The following PARD3 variants were observed in gnomAD, a reference collection of about 807,000 sequenced individuals.
The protein encoded by PARD3 is partitioning defective 3 homolog.
PARD3 carries 75 observed loss-of-function variants against 155.4 expected under a neutral mutation model. That is an observed-to-expected ratio of 0.48 (90% CI 0.40 to 0.58). The LOEUF is 0.58. Among genes scored for constraint, PARD3 ranks in the 20% least tolerant of loss-of-function variants. The pLI, the probability that PARD3 is intolerant of heterozygous loss-of-function variation, is 0.00. For synonymous variants in PARD3, 576 were observed against 610.5 expected (o/e 0.94, Z 0.83); for missense variants, 1,642 against 1,721.7 (o/e 0.95, Z 0.82).
intron 2 of PARD3, among the ~76,000 whole-genome samples, chr10:34,624,960 T>C (rs2091906085): frequency 6.6e-6 from 1 of 152,218 alleles, no homozygotes; most frequent in African/African-American, 2.4e-5. Flanking sequence ...TCAACAGCTC[T>C]GAGCCCTGGG....
At chr10:34,191,945 A>G (rs1950730100) in intron 22 of PARD3, among the ~76,000 whole-genome samples, 1 of 152,222 alleles carries the variant, frequency 6.6e-6, no homozygotes, top group African/African-American at 2.4e-5. Flanking sequence ...ACAGGCTAAA[A>G]CACGGGCTCA....
At chr10:34,577,749 C>T (rs1277470197) in intron 2 of PARD3, among the ~76,000 whole-genome samples, 1 of 152,088 alleles carries the variant, frequency 6.6e-6, no homozygotes, top group Non-Finnish European at 1.5e-5. Flanking sequence ...CAGGCACACA[C>T]GTGGGTACAT....
rs115886887 is a variant in PARD3, at chr10:34,611,515, C to T, written c.222+84803G>A. On this transcript the variant is annotated intron_variant, in intron 2 of 24. Coordinates refer to ENST00000374788, the MANE Select transcript of PARD3 (RefSeq NM_001184785.2). ...GGAGTAATTTCGGGATTTTCTGATG[C>T]CTTTTAAATTTAATTTCAAATATGA... Among the ~76,000 whole-genome samples the T allele has an allele frequency of 8.7e-3, 1,319 of 152,168 alleles. 17 individuals carry two copies. The highest frequency in any genetic ancestry group is 0.03 in the African/African-American group (1,258 of 41,516).
intron 1 of PARD3, among the ~76,000 whole-genome samples, chr10:34,714,216 T>C (rs980144963): frequency 7.2e-5 from 11 of 152,172 alleles, no homozygotes; most frequent in Non-Finnish European, 1.0e-4. Flanking sequence ...AATGACCTGA[T>C]TTTTCACAAA....
At chr10:34,609,616 C>T (rs1160738961) in intron 2 of PARD3, among the ~76,000 whole-genome samples, 8 of 152,170 alleles carry the variant, frequency 5.3e-5, no homozygotes, top group South Asian at 4.1e-4. Context: ...AATCATAGCT[C>T]GCTGTATTCC....
chr10:34,413,636 C>A (rs910366745), intron 5 of PARD3, among the ~76,000 whole-genome samples: 2 of 152,130 alleles, frequency 1.3e-5, no homozygotes, highest in African/African-American at 4.8e-5. Flanking sequence ...CGCTGAGTTT[C>A]GCAGGCTTAG....
chr10:34,741,173 A>ATTTTTTTTT (rs1470627211), intron 1 of PARD3, among the ~76,000 whole-genome samples: 2 of 82,882 alleles, frequency 2.4e-5, no homozygotes, highest in Admixed American at 1.3e-4. Context: ...TCGTAAACCA[A>ATTTTTTTTT]ATTTTTTTTT....
At chr10:34,501,004 CTA>C (rs917679886) in intron 3 of PARD3, among the ~76,000 whole-genome samples, 3 of 152,126 alleles carry the variant, frequency 2.0e-5, no homozygotes, top group African/African-American at 4.8e-5. Flanking sequence ...TTAAAAATAA[CTA>C]ATTTGTTACC....
intron 2 of PARD3, among the ~76,000 whole-genome samples, chr10:34,680,068 T>C (rs2093783003): frequency 6.6e-6 from 1 of 152,122 alleles, no homozygotes; most frequent in African/African-American, 2.4e-5. Flanking sequence ...GCACTTGTAC[T>C]ATCTAAATAT....
intron 12 of PARD3, among the ~76,000 whole-genome samples, chr10:34,367,866 T>A (rs1251544227): frequency 6.6e-6 from 1 of 152,224 alleles, no homozygotes; most frequent in Non-Finnish European, 1.5e-5. Flanking sequence ...GCTTCTGACC[T>A]TCAAAAAAGT....
At chr10:34,789,206 G>A (rs1406934818) in intron 1 of PARD3, among the ~76,000 whole-genome samples, 1 of 152,162 alleles carries the variant, frequency 6.6e-6, no homozygotes, top group Non-Finnish European at 1.5e-5. Context: ...GCAGGAAAAT[G>A]GCTGGAGCCC....
At chr10:34,240,648 TAAG>T (rs1480410116) in intron 22 of PARD3, among the ~76,000 whole-genome samples, 2 of 151,974 alleles carry the variant, frequency 1.3e-5, no homozygotes, top group Non-Finnish European at 2.9e-5. Flanking sequence ...GCTTTAAAAA[TAAG>T]AAACAGGAAG....
intron 7 of PARD3, among the ~76,000 whole-genome samples, chr10:34,392,844 G>A (rs1364920094): frequency 1.3e-5 from 2 of 152,050 alleles, no homozygotes; most frequent in Non-Finnish European, 2.9e-5. Flanking sequence ...AGAAAACAGA[G>A]GTGAAGAAGT....
At chr10:34,364,637 T>C (rs1369830858) in intron 12 of PARD3, among the ~76,000 whole-genome samples, 1 of 152,148 alleles carries the variant, frequency 6.6e-6, no homozygotes, top group Non-Finnish European at 1.5e-5. Flanking sequence ...TCTTGATATG[T>C]TGCCCATGCT....
intron 1 of PARD3, among the ~76,000 whole-genome samples, chr10:34,755,085 A>T (rs1484899877): frequency 7.0e-6 from 1 of 142,144 alleles, no homozygotes; most frequent in Non-Finnish European, 1.5e-5. Context: ...GAGGCAAAGG[A>T]TGACTGACAG....
intron 2 of PARD3, among the ~76,000 whole-genome samples, chr10:34,565,356 C>T (rs905243562): frequency 6.8e-6 from 1 of 147,230 alleles, no homozygotes; most frequent in Non-Finnish European, 1.5e-5. Flanking sequence ...CAGCCTCTGC[C>T]TCCTGGGTTC....
chr10:34,206,903 G>C (rs963355952), intron 22 of PARD3, among the ~76,000 whole-genome samples: 10 of 152,104 alleles, frequency 6.6e-5, no homozygotes, highest in African/African-American at 2.4e-4. Flanking sequence ...CTCACTACTA[G>C]ATCGAGGTCT....
intron 23 of PARD3, among the ~76,000 whole-genome samples, chr10:34,121,852 C>T (rs1243647562): frequency 2.0e-5 from 3 of 152,216 alleles, no homozygotes; most frequent in Non-Finnish European, 2.9e-5. Flanking sequence ...TATTCAGAGA[C>T]CCGCTTCACA....
At chr10:34,548,118 T>C (rs539077231) in intron 2 of PARD3, among the ~76,000 whole-genome samples, 1 of 152,340 alleles carries the variant, frequency 6.6e-6, no homozygotes, top group South Asian at 2.1e-4. Flanking sequence ...AAACTCCATT[T>C]TCTGTAGGTC....
Sources: allele counts gnomAD v4.1 joint callset (sites outside exome capture counted in the v4.1 genomes callset), GRCh38; gene constraint gnomAD v4.1.1; transcripts MANE v1.5; gene names NCBI Gene and HGNC (gene_info 2026-07-23, HGNC 2026-07-21).